The following MOK variants were observed in gnomAD, a reference collection of about 807,000 sequenced individuals.
MOK encodes the protein MAPK/MAK/MRK overlapping kinase.
MOK carries 59 observed loss-of-function variants against 54.2 expected under a neutral mutation model. The ratio of observed to expected loss-of-function variants is 1.09; its 90% CI spans 0.88 to 1.35. The LOEUF (loss-of-function observed/expected upper bound fraction) is 1.35, where lower values mean the gene tolerates loss of function less well. Among genes scored for constraint, MOK ranks in the 40% most tolerant of loss-of-function variants. The probability of loss-of-function intolerance (pLI) is 0.00; values close to 1 mark genes in which losing one functional copy is unlikely to be tolerated. For missense variants in MOK, 517 were observed against 526.2 expected, an observed-to-expected ratio of 0.98 and a Z score of 0.17; for synonymous variants, 210 against 202.7, an observed-to-expected ratio of 1.04 and a Z score of -0.31.
intron 7 of MOK, 100 bp downstream of exon 7, chr14:102,250,712 C>A: frequency 8.6e-7 from 1 of 1,166,992 alleles, no homozygotes. Flanking sequence ...AAAGAAAAAC[C>A]AGAATGACCA....
In MOK at chr14:102,291,665, G is replaced by T. The variant is rs1405202175; in HGVS notation, c.8-8073C>A. Among the ~76,000 whole-genome samples, 3 of 152,130 alleles carry T rather than the reference G, an allele frequency of 2.0e-5. No homozygotes were observed. In the East Asian group the frequency reaches 5.8e-4, roughly 29 times the overall value. On this transcript the variant is annotated intron_variant, in intron 1 of 11. Transcript: ENST00000361847. ...GCCTGGGACTTCTCTCCTTAGAAAG[G>T]TCTGCTTGCAGCCAAGTGCGGTGGC...
chr14:102,248,735 G>A (rs561773106), intron 7 of MOK, among the ~76,000 whole-genome samples: 18 of 136,586 alleles, frequency 1.3e-4, no homozygotes, highest in Admixed American at 8.3e-4. Context: ...CCCAGATCGC[G>A]CCACTGCACT....
At chr14:102,246,315 T>C (rs900093923) in intron 7 of MOK, 1 of 152,108 alleles carries the variant, frequency 6.6e-6, no homozygotes, top group Non-Finnish European at 1.5e-5. Flanking sequence ...TTCAAGTGGA[T>C]AATCGACCTT....
intron 4 of MOK, among the ~76,000 whole-genome samples, chr14:102,261,275 C>A (rs2067373947): frequency 1.9e-5 from 2 of 106,508 alleles, no homozygotes; most frequent in African/African-American, 4.9e-5. Flanking sequence ...AAAAATTAGC[C>A]AAGTGTGGTA....
At chr14:102,285,068 G>A (rs896591344) in intron 1 of MOK, among the ~76,000 whole-genome samples, 2 of 143,826 alleles carry the variant, frequency 1.4e-5, no homozygotes, top group African/African-American at 5.3e-5. Context: ...GGGCTACAGA[G>A]TGAGATGTCA....
chr14:102,265,501 G>A (rs1299281695), intron 3 of MOK, among the ~76,000 whole-genome samples: 1 of 152,072 alleles, frequency 6.6e-6, no homozygotes, highest in African/African-American at 2.4e-5. Flanking sequence ...GCGTGGTTGT[G>A]GGTGCCTGTG....
chr14:102,258,426 A>G (rs2067138363), intron 4 of MOK, among the ~76,000 whole-genome samples: 1 of 152,176 alleles, frequency 6.6e-6, no homozygotes, highest in Non-Finnish European at 1.5e-5. Context: ...ATTCACTGAC[A>G]GCACTTATCC....
intron 2 of MOK, among the ~76,000 whole-genome samples, chr14:102,274,177 TTGACCTCC>T (rs1364096998): frequency 6.6e-6 from 1 of 151,864 alleles, no homozygotes. Flanking sequence ...CAGGATGGTC[TTGACCTCC>T]TGACCTCATG....
downstream of MOK, among the ~76,000 whole-genome samples, chr14:102,226,868 C>T (rs1401982134): frequency 6.6e-6 from 1 of 152,204 alleles, no homozygotes; most frequent in Non-Finnish European, 1.5e-5. The surrounding 1 kb of genome is among the most constrained non-coding windows in gnomAD (Gnocchi z 4.8). Flanking sequence ...GGGCTCTGGT[C>T]CCCTGCTCAC....
At chr14:102,274,309 C>T (rs1384739036) in intron 2 of MOK, among the ~76,000 whole-genome samples, 1 of 146,278 alleles carries the variant, frequency 6.8e-6, no homozygotes, top group Non-Finnish European at 1.5e-5. Flanking sequence ...GGTTGGAGTG[C>T]AGCTGCATGA....
intron 2 of MOK, among the ~76,000 whole-genome samples, chr14:102,276,503 A>G (rs187864610): frequency 1.8e-3 from 274 of 152,098 alleles, no homozygotes; most frequent in African/African-American, 6.2e-3. Flanking sequence ...TAATTAAATT[A>G]AATAAAAAAA....
chr14:102,286,020 C>A (rs536485300), intron 1 of MOK, among the ~76,000 whole-genome samples: 2 of 152,196 alleles, frequency 1.3e-5, no homozygotes, highest in South Asian at 4.1e-4. Flanking sequence ...TGCATCCGGG[C>A]CGGGCGCGGT....
Position 102,229,446 on chromosome 14 carries a change from T to C in MOK, c.1182+11A>G. 6.2e-7 allele frequency: 1 copy of C among 1,614,174 alleles called. No homozygotes were observed. Among genetic ancestry groups the C allele is most frequent in the Non-Finnish European group, 8.5e-7 (1 of 1,180,014 alleles). ...AGAGCAGCGCCGTCAGAGAAGCTGG[T>C]TCCGCGCTACCTTCTTGCTCGCAGG... is the stretch of plus-strand genomic sequence containing the variant. On this transcript the variant is annotated intron_variant, in intron 11 of 11. Transcript: ENST00000361847.
At chr14:102,281,311 G>A (rs12898024) in intron 2 of MOK, among the ~76,000 whole-genome samples, 6,527 of 150,630 alleles carry the variant, frequency 0.043, 152 homozygotes, top group Non-Finnish European at 0.049. Flanking sequence ...GTGACAATGC[G>A]AGACTCTGTC....
At chr14:102,294,564 A>T (rs1365655031) in intron 1 of MOK, among the ~76,000 whole-genome samples, 9 of 152,066 alleles carry the variant, frequency 5.9e-5, no homozygotes. Context: ...GCAGTGAGCC[A>T]TGATGGTGCC....
intron 2 of MOK, among the ~76,000 whole-genome samples, chr14:102,271,790 C>T (rs777842641): frequency 4.6e-5 from 7 of 152,216 alleles, no homozygotes; most frequent in Non-Finnish European, 1.0e-4. Context: ...AACTCCTGGC[C>T]TCAAGTGATC....
At chr14:102,246,296 G>A (rs929795997) in intron 7 of MOK, 2 of 151,970 alleles carry the variant, frequency 1.3e-5, no homozygotes, top group Non-Finnish European at 2.9e-5. Flanking sequence ...CGACACCCTG[G>A]AGGCCTTTTT....
rs972563425 is a variant in MOK at position 102,238,775 on chromosome 14, C to G, written c.591-4986G>C. Among the ~76,000 whole-genome samples, 3 of 152,136 alleles carry G rather than the reference C, an allele frequency of 2.0e-5. No homozygotes were observed. Among genetic ancestry groups the G allele is most frequent in the African/African-American group, 7.2e-5 (3 of 41,416 alleles). Reference sequence around the variant, plus strand: ...TGCATGTCCCCTATATCTCCTCCTCCGCCCATATTTCTTCTCCCCTCACCT... The same window carrying G: ...TGCATGTCCCCTATATCTCCTCCTCGGCCCATATTTCTTCTCCCCTCACCT... On this transcript the variant is annotated intron_variant, in intron 7 of 11. Coordinates refer to ENST00000361847, the MANE Select transcript of MOK (RefSeq NM_014226.3). The surrounding 1 kb of genome is among the most constrained non-coding windows in gnomAD (Gnocchi z 4.8).
intron 7 of MOK, among the ~76,000 whole-genome samples, chr14:102,237,446 C>T (rs1408910847): frequency 6.6e-6 from 1 of 152,154 alleles, no homozygotes; most frequent in Admixed American, 6.6e-5. Context: ...AATCTGCCCT[C>T]GCCCTCCTCC....
Sources: gnomAD v4.1 joint callset for allele counts (sites outside exome capture counted in the v4.1 genomes callset) on GRCh38, gnomAD v4.1.1 for gene constraint, Gnocchi (gnomAD v3.1) non-coding constraint, MANE v1.5 for transcripts, NCBI Gene and HGNC (gene_info 2026-07-23, HGNC 2026-07-21) for gene names.